GRIK4: variants seen among roughly 807,000 people sequenced by gnomAD.
GRIK4 encodes glutamate receptor ionotropic, kainate 4.
Under a neutral mutation model 104.9 loss-of-function variants are expected in GRIK4, and 40 were observed. The ratio of observed to expected loss-of-function variants is 0.38; its 90% CI spans 0.30 to 0.50. GRIK4 has a LOEUF of 0.50. GRIK4 is among the 20% of genes least tolerant of loss of function. GRIK4 has a pLI of 0.93. For synonymous variants in GRIK4, 485 were observed against 524.9 expected, an observed-to-expected ratio of 0.92 and a Z score of 1.04; for missense variants, 1,047 against 1,308.1, an observed-to-expected ratio of 0.80 and a Z score of 3.08.
At chr11:120,635,555 G>A (rs1239992825) in intron 1 of GRIK4, among the ~76,000 whole-genome samples, 2 of 152,216 alleles carry the variant, frequency 1.3e-5, no homozygotes, top group Non-Finnish European at 2.9e-5. Flanking sequence ...AGTCCCCCAG[G>A]GAGGGGTAGT....
intron 1 of GRIK4, among the ~76,000 whole-genome samples, chr11:120,601,331 G>A (rs1239256419): frequency 5.9e-5 from 9 of 152,064 alleles, no homozygotes; most frequent in Non-Finnish European, 1.2e-4. Context: ...ACTGGAACTC[G>A]GGAGGTGGCG....
At chr11:120,518,619 T>C (rs940541494) in intron 1 of GRIK4, among the ~76,000 whole-genome samples, 1 of 152,066 alleles carries the variant, frequency 6.6e-6, no homozygotes, top group Non-Finnish European at 1.5e-5. Flanking sequence ...GCCTGTGTCT[T>C]TTTAAAATTT....
chr11:120,857,500 A>G (rs1409612265), intron 8 of GRIK4, among the ~76,000 whole-genome samples: 1 of 30,812 alleles, frequency 3.2e-5, no homozygotes, highest in Non-Finnish European at 6.0e-5. Flanking sequence ...GTATGCACAC[A>G]TGCACACACA....
intron 1 of GRIK4, among the ~76,000 whole-genome samples, chr11:120,630,800 AGGGTTCTAGAGTCCTGACT>A (rs971880580): frequency 1.3e-5 from 2 of 152,242 alleles, no homozygotes; most frequent in African/African-American, 4.8e-5. Flanking sequence ...TTCGCTAACC[AGGGTTCTAGAGTCCTGACT>A]GGGTTCTAGA....
intron 1 of GRIK4, among the ~76,000 whole-genome samples, chr11:120,552,490 G>T (rs1269567533): frequency 6.6e-6 from 1 of 152,210 alleles, no homozygotes; most frequent in Non-Finnish European, 1.5e-5. Context: ...GCATACCATG[G>T]CAGCCTGAGG....
chr11:120,964,832 T>G (rs531237853), intron 18 of GRIK4, among the ~76,000 whole-genome samples: 1 of 152,220 alleles, frequency 6.6e-6, no homozygotes, highest in African/African-American at 2.4e-5. Context: ...TCAGAGCAGA[T>G]AGATTACTTG....
intron 13 of GRIK4, among the ~76,000 whole-genome samples, chr11:120,928,223 A>AAAT (rs1943396868): frequency 6.6e-6 from 1 of 151,112 alleles, no homozygotes; most frequent in Non-Finnish European, 1.5e-5. Context: ...TAAAAAAAAA[A>AAAT]AAAAAAAGCT....
intron 1 of GRIK4, among the ~76,000 whole-genome samples, chr11:120,619,353 T>G (rs888525358): frequency 1.3e-5 from 2 of 152,232 alleles, no homozygotes; most frequent in African/African-American, 4.8e-5. Flanking sequence ...TTTTTGATTT[T>G]ACAGGCTCAT....
At chr11:120,537,286 T>C (rs1336050508) in intron 1 of GRIK4, among the ~76,000 whole-genome samples, 1 of 152,132 alleles carries the variant, frequency 6.6e-6, no homozygotes, top group Non-Finnish European at 1.5e-5. Context: ...CACAGGTTCT[T>C]TAGGAATGAG....
intron 2 of GRIK4, among the ~76,000 whole-genome samples, chr11:120,657,327 A>G (rs1165280076): frequency 6.6e-6 from 1 of 152,164 alleles, no homozygotes; most frequent in Non-Finnish European, 1.5e-5. Flanking sequence ...TTCTCCTAAG[A>G]CTGTGTTTGC....
chr11:120,618,325 A>G (rs1315388206), intron 1 of GRIK4, among the ~76,000 whole-genome samples: 2 of 152,216 alleles, frequency 1.3e-5, no homozygotes, highest in East Asian at 1.9e-4. Context: ...TCTAATTCCT[A>G]TGCTCATATG....
At chr11:120,713,578 G>A (rs921361293) in intron 3 of GRIK4, among the ~76,000 whole-genome samples, 1 of 152,180 alleles carries the variant, frequency 6.6e-6, no homozygotes, top group African/African-American at 2.4e-5. Context: ...ATTTATGACC[G>A]TAGCTTGTAG....
intron 3 of GRIK4, among the ~76,000 whole-genome samples, chr11:120,710,971 G>A (rs1013954119): frequency 2.0e-5 from 3 of 149,084 alleles, no homozygotes; most frequent in Admixed American, 2.0e-4. Context: ...CAGGCGGCCC[G>A]GCCAGCCTCG....
intron 3 of GRIK4, among the ~76,000 whole-genome samples, chr11:120,754,432 C>A (rs1405635552): frequency 6.6e-6 from 1 of 152,204 alleles, no homozygotes; most frequent in African/African-American, 2.4e-5. Context: ...AATTCATTTC[C>A]TTTCATGGCT....
chr11:120,786,007 C>T (rs1952263173), intron 3 of GRIK4, among the ~76,000 whole-genome samples: 1 of 152,210 alleles, frequency 6.6e-6, no homozygotes, highest in South Asian at 2.1e-4. Flanking sequence ...CCCTTGCTCC[C>T]CAGTGCAACC....
intron 1 of GRIK4, among the ~76,000 whole-genome samples, chr11:120,554,279 A>G (rs897476535): frequency 1.3e-5 from 2 of 152,176 alleles, no homozygotes; most frequent in South Asian, 4.1e-4. Flanking sequence ...ATGTTCTAAA[A>G]CCGCTCTGGA....
chr11:120,802,762 G>T lies in GRIK4; in HGVS notation c.152G>T (p.Arg51Leu). 1 of 1,614,084 alleles carries T rather than the reference G, an allele frequency of 6.2e-7. No individual in the cohort carries two copies. The highest frequency in any genetic ancestry group is 8.5e-7 in the Non-Finnish European group (1 of 1,179,904). The change falls in exon 4 of 21, where the codon CGC becomes CTC. Residue 51 changes from arginine to leucine, a missense_variant. By Grantham distance (102) the Arg-to-Leu change is moderately radical. Transcript: ENST00000527524. ...CTCTCCATCACCCTGGCCAAGAACC[G>T]CATCAACCGCGCTCCTGAGAGGCTG... The part of the protein sequence containing the change: ...ERLSITLAKN[R>L]INRAPERLGK...
chr11:120,893,411 G>A (rs1271377701), intron 11 of GRIK4, among the ~76,000 whole-genome samples: 1 of 152,250 alleles, frequency 6.6e-6, no homozygotes, highest in Non-Finnish European at 1.5e-5. Flanking sequence ...TCTGTAGGTA[G>A]AAGGACTATA....
At chr11:120,529,269 GCCACA>G (rs1947898826) in intron 1 of GRIK4, among the ~76,000 whole-genome samples, 2 of 152,286 alleles carry the variant, frequency 1.3e-5, no homozygotes, top group East Asian at 3.9e-4. Context: ...CCACTTCTGT[GCCACA>G]CTTTAACACA....
Sources: allele counts gnomAD v4.1 joint callset (sites outside exome capture counted in the v4.1 genomes callset), GRCh38; gene constraint gnomAD v4.1.1; transcripts MANE v1.5; gene names NCBI Gene and HGNC (gene_info 2026-07-23, HGNC 2026-07-21).